Variants in GALNT14 observed in about 807,000 individuals in gnomAD.
GALNT14 encodes the protein polypeptide N-acetylgalactosaminyltransferase 14.
Under a neutral mutation model 77.5 loss-of-function variants are expected in GALNT14, and 60 were observed. The ratio of observed to expected loss-of-function variants is 0.77; its 90% CI spans 0.63 to 0.96. The LOEUF (loss-of-function observed/expected upper bound fraction) is 0.96, where lower values mean the gene tolerates loss of function less well. Among genes scored for constraint, GALNT14 ranks in the 40% least tolerant of loss-of-function variants. GALNT14 has a pLI of 0.00. For missense variants in GALNT14, 710 were observed against 731.0 expected, an observed-to-expected ratio of 0.97 and a Z score of 0.33; for synonymous variants, 280 against 281.7, an observed-to-expected ratio of 0.99 and a Z score of 0.06.
chr2:30,903,191 G>T, the GALNT14 span, among the ~76,000 whole-genome samples: 5 of 152,204 alleles, frequency 3.3e-5, no homozygotes, highest in Admixed American at 3.3e-4. Context: ...CTGCGGTAAT[G>T]GATTTTATAA....
intron 1 of GALNT14, among the ~76,000 whole-genome samples, chr2:31,037,265 G>C (rs939328017): frequency 6.6e-6 from 1 of 152,116 alleles, no homozygotes; most frequent in African/African-American, 2.4e-5. Flanking sequence ...CTGCTGTTGA[G>C]TCCCTCTAGT....
chr2:31,017,322 T>C (rs993747085), intron 1 of GALNT14, among the ~76,000 whole-genome samples: 2 of 152,234 alleles, frequency 1.3e-5, no homozygotes, highest in Non-Finnish European at 2.9e-5. Flanking sequence ...TTCTGTTCCC[T>C]TGCCCACAAT....
chr2:31,108,282 T>C (rs951254807), intron 1 of GALNT14, among the ~76,000 whole-genome samples: 1 of 152,200 alleles, frequency 6.6e-6, no homozygotes, highest in Non-Finnish European at 1.5e-5. Context: ...AATATTGCCC[T>C]TACTAATAGA....
At chr2:30,929,745 A>G (rs578165578) in intron 10 of GALNT14, among the ~76,000 whole-genome samples, 1 of 152,372 alleles carries the variant, frequency 6.6e-6, no homozygotes, top group Admixed American at 6.5e-5. Flanking sequence ...GCTTGGAATC[A>G]GAAGTGTTTT....
In GALNT14 at chr2:30,990,800, C is replaced by A. The variant is rs77833855; in HGVS notation, c.299+2038G>T. Among the ~76,000 whole-genome samples, 10 of 152,334 alleles carry A rather than the reference C, an allele frequency of 6.6e-5. No homozygotes were observed. The South Asian group carries it at 2.1e-3, about 32-fold the overall frequency. The stretch of plus-strand genomic sequence containing the variant: ...CTGAGTAACACAATCCCAGCTCCCA[C>A]AGGGCAAGGCTCGTGCCCTGAGGCA... On this transcript the variant is annotated intron_variant, in intron 2 of 14. Coordinates refer to ENST00000349752, the MANE Select transcript of GALNT14 (RefSeq NM_024572.4).
intron 1 of GALNT14, among the ~76,000 whole-genome samples, chr2:31,049,967 T>C (rs1383469549): frequency 2.0e-5 from 3 of 151,894 alleles, no homozygotes; most frequent in African/African-American, 4.8e-5. Context: ...GAGGTAGGGG[T>C]GGGAGGGCCA....
At chr2:30,893,272 AG>A in the GALNT14 span, among the ~76,000 whole-genome samples, 2 of 152,336 alleles carry the variant, frequency 1.3e-5, no homozygotes, top group African/African-American at 4.8e-5. Flanking sequence ...AAGGCTCTTA[AG>A]GAAAAGAAAA....
At chr2:31,120,666 C>T (rs1467034581) in intron 1 of GALNT14, among the ~76,000 whole-genome samples, 1 of 152,140 alleles carries the variant, frequency 6.6e-6, no homozygotes, top group Non-Finnish European at 1.5e-5. Context: ...AAGTGATTCT[C>T]CTGCCTCAGC....
In GALNT14 at chr2:30,920,785, T is replaced by C. The variant is rs563331419; in HGVS notation, c.1380+3334A>G. 5.3e-5 allele frequency among the ~76,000 whole-genome samples: 8 copies of C among 152,308 alleles called. No homozygotes were observed. The South Asian group carries it at 1.5e-3, about 28-fold the overall frequency. ...TGTATCCAAGTCGTGCCGTAGGCCC[T>C]GGAGGGCAGGGGCTCTGTCTCACCC... is the stretch of plus-strand genomic sequence containing the variant. On this transcript the variant is annotated intron_variant, in intron 13 of 14. Transcript: ENST00000349752.
Position 31,108,983 on chromosome 2 carries a change from C to T in GALNT14, c.129+28975G>A, listed in dbSNP as rs574516796. On this transcript the variant is annotated intron_variant, in intron 1 of 14. Coordinates refer to ENST00000349752, the MANE Select transcript of GALNT14 (RefSeq NM_024572.4). ...TTCCTCTCCCTAGTCTCAACATCAACCACGGAGAGGGCAAGTAGACCTGAT... is the reference window on the plus strand; with the variant it reads ...TTCCTCTCCCTAGTCTCAACATCAATCACGGAGAGGGCAAGTAGACCTGAT... Among the ~76,000 whole-genome samples, 9 of 152,358 alleles carry T rather than the reference C, an allele frequency of 5.9e-5. No homozygotes were observed. The South Asian group carries it at 1.9e-3, about 32-fold the overall frequency.
chr2:31,089,831 C>T (rs1456404846), intron 1 of GALNT14, among the ~76,000 whole-genome samples: 1 of 152,128 alleles, frequency 6.6e-6, no homozygotes, highest in Non-Finnish European at 1.5e-5. Flanking sequence ...CCATGCAGAC[C>T]TTGTTTATAC....
chr2:30,940,685 C>G lies in GALNT14; in HGVS notation c.931+1516G>C, dbSNP rs371471022. Among the ~76,000 whole-genome samples, 81 of 152,204 alleles carry G rather than the reference C, an allele frequency of 5.3e-4. No individual in the cohort carries two copies. In the South Asian group the frequency reaches 0.016, roughly 30 times the overall value. On this transcript the variant is annotated intron_variant, in intron 9 of 14. Transcript: ENST00000349752. ...GTCAAGACATAAAAATGGGCTCCAC[C>G]CCATAAGAGAGAAGTCCCTACCCCA...
chr2:31,089,612 T>A lies in GALNT14; in HGVS notation c.129+48346A>T, dbSNP rs142875280. Among the ~76,000 whole-genome samples, 182 of 152,290 alleles carry A rather than the reference T, an allele frequency of 1.2e-3. 1 individual carries two copies. The highest frequency in any genetic ancestry group is 4.1e-3 in the African/African-American group (172 of 41,568). On this transcript the variant is annotated intron_variant, in intron 1 of 14. Transcript: ENST00000349752. The stretch of plus-strand genomic sequence containing the variant: ...CTTCACTGCTTCAAGAATTCTTTCA[T>A]CAATCCTGCCGTGGACATACTGACA...
chr2:31,085,079 T>A (rs1346631382), intron 1 of GALNT14, among the ~76,000 whole-genome samples: 1 of 151,180 alleles, frequency 6.6e-6, no homozygotes, highest in African/African-American at 2.4e-5. Context: ...TGGGACACAG[T>A]GTAGTACTCC....
At chr2:31,106,802 A>C (rs6734681) in intron 1 of GALNT14, among the ~76,000 whole-genome samples, 63 of 152,260 alleles carry the variant, frequency 4.1e-4, no homozygotes, top group African/African-American at 1.5e-3. Context: ...TAATCTACCA[A>C]TGATCCTACT....
At chr2:30,921,420 C>G (rs138371219) in intron 13 of GALNT14, among the ~76,000 whole-genome samples, 43 of 152,342 alleles carry the variant, frequency 2.8e-4, no homozygotes, top group African/African-American at 1.0e-3. Context: ...TTATGTCATT[C>G]TCATCCAGGC....
At position 30,968,345 on chromosome 2, in the gene GALNT14, T is replaced by G. The variant is rs187365295; in HGVS notation, c.300-2043A>C. On this transcript the variant is annotated intron_variant, in intron 2 of 14. Transcript: ENST00000349752. ...CTTCACTAACTGGGTTTTATGTCCTTGTGTAGCCCCTCCCTCACTGAAGCA... is the reference window on the plus strand; with the variant it reads ...CTTCACTAACTGGGTTTTATGTCCTGGTGTAGCCCCTCCCTCACTGAAGCA... Among the ~76,000 whole-genome samples the G allele has an allele frequency of 2.7e-3, 412 of 152,352 alleles. 4 individuals carry two copies. Among genetic ancestry groups the G allele is most frequent in the Non-Finnish European group, 3.8e-3 (257 of 68,026 alleles).
chr2:30,964,354 A>C (rs1226518963), intron 3 of GALNT14, among the ~76,000 whole-genome samples: 7 of 151,862 alleles, frequency 4.6e-5, no homozygotes, highest in Non-Finnish European at 1.0e-4. Flanking sequence ...AGCCACCTCC[A>C]CCTCCCTGTG....
chr2:30,892,387 A>C, the GALNT14 span, among the ~76,000 whole-genome samples: 1 of 152,244 alleles, frequency 6.6e-6, no homozygotes, highest in Non-Finnish European at 1.5e-5. Flanking sequence ...AGATGTTTAA[A>C]AGCTTCCAGG....
Sources: allele counts gnomAD v4.1 joint callset (sites outside exome capture counted in the v4.1 genomes callset), GRCh38; gene constraint gnomAD v4.1.1; transcripts MANE v1.5; gene names NCBI Gene and HGNC (gene_info 2026-07-23, HGNC 2026-07-21).